DYSF: variants seen among roughly 807,000 people sequenced by gnomAD.
DYSF encodes dystrophy-associated fer-1-like 1.
DYSF carries 212 observed loss-of-function variants against 274.9 expected under a neutral mutation model. The ratio of observed to expected loss-of-function variants is 0.77; its 90% confidence interval spans 0.69 to 0.86. The LOEUF (loss-of-function observed/expected upper bound fraction) is 0.86. DYSF is among the 40% of genes least tolerant of loss of function. The pLI is 0.00. For synonymous variants in DYSF, 1,091 were observed against 1,078.7 expected, an observed-to-expected ratio of 1.01 and a Z score of -0.22; for missense variants, 2,666 against 2,783.2, an observed-to-expected ratio of 0.96 and a Z score of 0.95.
chr2:71,595,412 C>T (rs1045237804), intron 32 of DYSF, among the ~76,000 whole-genome samples: 1 of 152,116 alleles, frequency 6.6e-6, no homozygotes, highest in Non-Finnish European at 1.5e-5. Context: ...CGATCATGGC[C>T]GAGCGACTTG....
chr2:71,586,312 C>A (rs2093067545), intron 30 of DYSF, among the ~76,000 whole-genome samples: 1 of 152,042 alleles, frequency 6.6e-6, no homozygotes, highest in Non-Finnish European at 1.5e-5. Flanking sequence ...CCCCTGGTGC[C>A]CCAGTAATAC....
chr2:71,644,141 A>G (rs541282224), intron 42 of DYSF, 78 bp downstream of exon 42: 9 of 1,154,634 alleles, frequency 7.8e-6, no homozygotes, highest in Non-Finnish European at 1.1e-5. Flanking sequence ...AAGAGAGCTC[A>G]TGCAGTAGAT....
At chr2:71,606,346 C>G (rs940386910) in intron 36 of DYSF, among the ~76,000 whole-genome samples, 2 of 152,106 alleles carry the variant, frequency 1.3e-5, no homozygotes, top group African/African-American at 4.8e-5. Context: ...TTGAAGGGAG[C>G]AAGACGGGAG....
At chr2:71,456,355 G>A (rs974088741) in intron 1 of DYSF, among the ~76,000 whole-genome samples, 4 of 151,966 alleles carry the variant, frequency 2.6e-5, no homozygotes, top group Admixed American at 1.3e-4. Flanking sequence ...CACATTTCAC[G>A]TCCTGCATTA....
rs775907195 is a variant in DYSF at position 71,569,912 on chromosome 2, T to A, written c.2957T>A (p.Met986Lys). 3 of 1,614,112 alleles carry A rather than the reference T, an allele frequency of 1.9e-6. No homozygotes were observed. Among genetic ancestry groups the A allele is most frequent in the East Asian group, 2.2e-5 (1 of 44,882 alleles). ...CTTCCCGGAGGCCAGTGGATCTACA[T>A]GAGTGACAACTACACCGATGTGGTA... ...TRLPGGQWIY[M>K]SDNYTDVNGE... Residue 986 changes from methionine to lysine, a missense_variant, in exon 27 of 56, where the codon ATG (methionine) becomes AAG (lysine). Coordinates refer to ENST00000410020, the MANE Select transcript of DYSF (RefSeq NM_001130987.2).
At chr2:71,463,065 C>G (rs1306020175), upstream of DYSF, among the ~76,000 whole-genome samples, 1 of 152,230 alleles carries the variant, frequency 6.6e-6, no homozygotes, top group African/African-American at 2.4e-5. Flanking sequence ...GCCCAGGAGC[C>G]TGTCTGCCTC....
At position 71,520,227 on chromosome 2, in the gene DYSF, G is replaced by A. The variant is rs2087107030; in HGVS notation, c.1033+19G>A. ...GAGCCCCGTGAGTTCTCACCACTTT[G>A]GCCGTATCCTTGCATTTTGGTTCTG... On this transcript the variant is annotated intron_variant, in intron 11 of 55. Coordinates refer to ENST00000410020, the MANE Select transcript of DYSF (RefSeq NM_001130987.2). The A allele has an allele frequency of 6.2e-7, 1 of 1,613,948 alleles. No individual in the cohort carries two copies. The highest frequency in any genetic ancestry group is 1.3e-5 in the African/African-American group (1 of 74,900).
intron 1 of DYSF, among the ~76,000 whole-genome samples, chr2:71,478,822 C>T (rs1212055524): frequency 6.6e-6 from 1 of 151,816 alleles, no homozygotes; most frequent in African/African-American, 2.4e-5. Context: ...CTCCCTCTCA[C>T]GTGCTCTCTT....
intron 52 of DYSF, 58 bp downstream of exon 52, chr2:71,674,354 T>G: frequency 3.3e-6 from 5 of 1,524,690 alleles, no homozygotes; most frequent in Non-Finnish European, 3.6e-6. Flanking sequence ...GAACCCACAC[T>G]GTGTGTTTAT....
At chr2:71,477,826 A>G (rs1410375426) in intron 1 of DYSF, among the ~76,000 whole-genome samples, 1 of 152,230 alleles carries the variant, frequency 6.6e-6, no homozygotes, top group African/African-American at 2.4e-5. Context: ...TTGATGTAGT[A>G]TCAAAGAAGG....
At chr2:71,674,389 C>T in intron 52 of DYSF, 93 bp downstream of exon 52, 1 of 1,274,272 alleles carries the variant, frequency 7.8e-7, no homozygotes, top group Non-Finnish European at 1.1e-6. Context: ...CTTGGGGAAG[C>T]CTAGCAGGAG....
chr2:71,521,116 A>G (rs934469219), intron 12 of DYSF, among the ~76,000 whole-genome samples: 2 of 152,144 alleles, frequency 1.3e-5, no homozygotes, highest in Non-Finnish European at 2.9e-5. Flanking sequence ...TCATAATCCT[A>G]CCACTCCGAG....
At chr2:71,491,667 G>T (rs750460390) in intron 3 of DYSF, among the ~76,000 whole-genome samples, 4 of 152,204 alleles carry the variant, frequency 2.6e-5, no homozygotes, top group African/African-American at 4.8e-5. Context: ...TTTGGGATTT[G>T]GTTGTCTGTT....
At chr2:71,663,126 C>T (rs111826988) in intron 45 of DYSF, among the ~76,000 whole-genome samples, 2 of 98,340 alleles carry the variant, frequency 2.0e-5, no homozygotes, top group Non-Finnish European at 4.7e-5. Context: ...CTCTGGCTGA[C>T]CTCTGAGGTT....
At chr2:71,471,066 G>A (rs1264758132) in intron 1 of DYSF, among the ~76,000 whole-genome samples, 1 of 152,046 alleles carries the variant, frequency 6.6e-6, no homozygotes, top group Non-Finnish European at 1.5e-5. Flanking sequence ...AAAGTGCTTG[G>A]ATTACAGGTG....
At chr2:71,609,266 C>T (rs1332518476) in intron 36 of DYSF, among the ~76,000 whole-genome samples, 1 of 152,246 alleles carries the variant, frequency 6.6e-6, no homozygotes, top group Admixed American at 6.5e-5. Context: ...ATCACCCCTG[C>T]TTATCAGACG....
At chr2:71,628,861 A>C (rs2094259314) in intron 41 of DYSF, among the ~76,000 whole-genome samples, 1 of 152,054 alleles carries the variant, frequency 6.6e-6, no homozygotes, top group Non-Finnish European at 1.5e-5. Flanking sequence ...CTGAGGTGGG[A>C]GGATCGCTTG....
In DYSF at chr2:71,567,942, G is replaced by T. The variant is rs1288297065; in HGVS notation, c.2566-9G>T. 1 of 1,614,050 alleles carries T rather than the reference G, an allele frequency of 6.2e-7. No individual in the cohort carries two copies. The highest frequency in any genetic ancestry group is 2.2e-5 in the East Asian group (1 of 44,866). ...GGACTGTGGGTTTCTGTCCTTCTCT[G>T]GTACCCAGTATCCGATGGAGAAGGT... is the stretch of plus-strand genomic sequence containing the variant. On this transcript the variant is annotated splice_polypyrimidine_tract_variant and intron_variant, in intron 24 of 55. Transcript: ENST00000410020.
chr2:71,632,374 T>C (rs934421326), intron 41 of DYSF, among the ~76,000 whole-genome samples: 3 of 152,246 alleles, frequency 2.0e-5, no homozygotes, highest in Admixed American at 6.5e-5. Flanking sequence ...ATTTTGTATA[T>C]GAAAATGCAT....
Sources: allele counts gnomAD v4.1 joint callset (sites outside exome capture counted in the v4.1 genomes callset), GRCh38; gene constraint gnomAD v4.1.1; transcripts MANE v1.5; gene names NCBI Gene and HGNC (gene_info 2026-07-23, HGNC 2026-07-21).